TXNDC16: variants seen among roughly 807,000 people sequenced by gnomAD.
The protein encoded by TXNDC16 is thioredoxin domain-containing protein 16.
Under a neutral mutation model 85.6 loss-of-function variants are expected in TXNDC16, and 74 were observed. The ratio of observed to expected loss-of-function variants is 0.86; its 90% confidence interval spans 0.72 to 1.05. The LOEUF is 1.05. Among genes scored for constraint, TXNDC16 ranks in the 50% least tolerant of loss-of-function variants. The pLI is 0.00. For synonymous variants in TXNDC16, 335 were observed against 326.5 expected, an observed-to-expected ratio of 1.03 and a Z score of -0.28; for missense variants, 959 against 947.0, an observed-to-expected ratio of 1.01 and a Z score of -0.17.
intron 16 of TXNDC16, among the ~76,000 whole-genome samples, chr14:52,459,131 T>C (rs2035598169): frequency 6.6e-6 from 1 of 152,224 alleles, no homozygotes; most frequent in Non-Finnish European, 1.5e-5. Context: ...TTTAATTGCA[T>C]AAAATAAACA....
intron 14 of TXNDC16, among the ~76,000 whole-genome samples, chr14:52,470,937 G>C (rs936009236): frequency 2.6e-5 from 4 of 152,076 alleles, no homozygotes; most frequent in Non-Finnish European, 1.5e-5. Flanking sequence ...CTCAGCTTAA[G>C]CTGCCTTCTC....
At chr14:52,514,177 A>G (rs1488534375) in intron 8 of TXNDC16, among the ~76,000 whole-genome samples, 1 of 152,118 alleles carries the variant, frequency 6.6e-6, no homozygotes, top group African/African-American at 2.4e-5. Context: ...CCTAGCCTCT[A>G]AATGTAGAGC....
At chr14:52,509,170 A>C (rs937072269) in intron 9 of TXNDC16, among the ~76,000 whole-genome samples, 8 of 150,212 alleles carry the variant, frequency 5.3e-5, no homozygotes, top group African/African-American at 1.5e-4. Flanking sequence ...GAAATACAGC[A>C]AAAAAAAAAT....
chr14:52,532,907 T>C (rs752882543), intron 6 of TXNDC16, among the ~76,000 whole-genome samples: 44 of 152,358 alleles, frequency 2.9e-4, no homozygotes, highest in Admixed American at 1.3e-3. Context: ...AGCATACTGT[T>C]TGGCATAGTT....
At chr14:52,468,799 C>T (rs529827534) in intron 16 of TXNDC16, among the ~76,000 whole-genome samples, 1 of 151,878 alleles carries the variant, frequency 6.6e-6, no homozygotes, top group Non-Finnish European at 1.5e-5. Context: ...CTCACTTAAG[C>T]CCAGGAGGTT....
At chr14:52,442,658 C>T (rs1048813145) in intron 18 of TXNDC16, among the ~76,000 whole-genome samples, 9 of 152,046 alleles carry the variant, frequency 5.9e-5, no homozygotes, top group Admixed American at 5.2e-4. Context: ...ACTTTTTCTC[C>T]AAATTCCCCT....
intron 14 of TXNDC16, among the ~76,000 whole-genome samples, chr14:52,474,385 T>C (rs549662170): frequency 2.6e-5 from 4 of 152,350 alleles, no homozygotes; most frequent in African/African-American, 9.6e-5. Context: ...AATTTGTCCA[T>C]AGATTGCAAC....
chr14:52,492,589 G>T (rs758349185), intron 9 of TXNDC16, among the ~76,000 whole-genome samples: 1 of 152,078 alleles, frequency 6.6e-6, no homozygotes, highest in East Asian at 1.9e-4. Context: ...CTCTTTTGCC[G>T]CCACCCAGCA....
At chr14:52,479,967 C>T (rs2036108659) in intron 14 of TXNDC16, among the ~76,000 whole-genome samples, 1 of 152,118 alleles carries the variant, frequency 6.6e-6, no homozygotes, top group East Asian at 1.9e-4. Flanking sequence ...TAAAAATTGG[C>T]ACATAGACCA....
At chr14:52,438,450 C>G (rs1203491021) in intron 20 of TXNDC16, among the ~76,000 whole-genome samples, 1 of 152,214 alleles carries the variant, frequency 6.6e-6, no homozygotes, top group Non-Finnish European at 1.5e-5. Flanking sequence ...CCTCCTTCAT[C>G]AGCCAAAAGG....
At chr14:52,509,191 A>C (rs1027029406) in intron 9 of TXNDC16, among the ~76,000 whole-genome samples, 4 of 152,100 alleles carry the variant, frequency 2.6e-5, no homozygotes, top group Non-Finnish European at 4.4e-5. Flanking sequence ...TCATGAGCAG[A>C]AACTTTAGGA....
In TXNDC16 at chr14:52,443,889, G is replaced by A. The variant is rs190896456; in HGVS notation, c.1843-3165C>T. Among the ~76,000 whole-genome samples, 17 of 152,196 alleles carry A rather than the reference G, an allele frequency of 1.1e-4. No homozygotes were observed. In the East Asian group the frequency reaches 3.3e-3, roughly 29 times the overall value. On this transcript the variant is annotated intron_variant, in intron 18 of 20. Transcript: ENST00000281741. ...ATTTGTGAGTTTAGAAGGAAACTGA[G>A]TTCTAAAATTAAACACTCGGATTTA...
intron 1 of TXNDC16, among the ~76,000 whole-genome samples, chr14:52,549,586 G>A (rs1463804264): frequency 1.3e-5 from 2 of 151,470 alleles, no homozygotes; most frequent in Admixed American, 1.3e-4. Context: ...ATCCCATTTT[G>A]GTATAGGGTA....
At chr14:52,511,432 T>A in intron 8 of TXNDC16, 42 bp from the exon 9 acceptor site, 1 of 1,358,056 alleles carries the variant, frequency 7.4e-7, no homozygotes, top group Non-Finnish European at 1.0e-6. Flanking sequence ...GTTCAATATG[T>A]GATCCTTCTA....
intron 18 of TXNDC16, among the ~76,000 whole-genome samples, chr14:52,451,383 A>G (rs2035408469): frequency 6.6e-6 from 1 of 152,142 alleles, no homozygotes; most frequent in Non-Finnish European, 1.5e-5. Flanking sequence ...AAACCAGACA[A>G]AGGCATATCA....
chr14:52,455,402 T>G lies in TXNDC16; in HGVS notation c.1764A>C (p.Lys588Asn). 1.2e-6 allele frequency: 2 copies of G among 1,614,052 alleles called. No homozygotes were observed. The highest frequency in any genetic ancestry group is 1.7e-6 in the Non-Finnish European group (2 of 1,179,930). ...TGCTAGCTAGTGGGATGCTCTCTAT[T>G]TTGCCTTCTGTGTGTCTGGCAAGCA... ...ALLLARHTEG[K>N]IESIPLASTH... is the part of the protein sequence containing the mutation. The change falls in exon 18 of 21, where the codon AAA becomes AAC. Residue 588 changes from lysine to asparagine, a missense_variant. Lys to Asn is a moderately conservative substitution (Grantham distance 94). Coordinates refer to ENST00000281741, the MANE Select transcript of TXNDC16 (RefSeq NM_020784.3).
intron 4 of TXNDC16, among the ~76,000 whole-genome samples, chr14:52,540,068 G>A (rs1351996835): frequency 6.6e-6 from 1 of 152,140 alleles, no homozygotes; most frequent in Non-Finnish European, 1.5e-5. Context: ...GGAACAAGTA[G>A]GTGGTAACCA....
intron 6 of TXNDC16, among the ~76,000 whole-genome samples, chr14:52,525,727 AATAATAATAATAATAAT>A (rs1566578179): frequency 1.6e-4 from 23 of 141,304 alleles, no homozygotes; most frequent in Non-Finnish European, 1.1e-4. Flanking sequence ...TAATAATAAT[AATAATAATAATAATAAT>A]AAATAAAAAT....
At chr14:52,542,025 G>T (rs1443253245) in intron 4 of TXNDC16, among the ~76,000 whole-genome samples, 1 of 152,060 alleles carries the variant, frequency 6.6e-6, no homozygotes, top group East Asian at 1.9e-4. Context: ...AAAAACAGCT[G>T]AATTGTGGCT....
Sources: gnomAD v4.1 joint callset for allele counts (sites outside exome capture counted in the v4.1 genomes callset) on GRCh38, gnomAD v4.1.1 for gene constraint, MANE v1.5 for transcripts, NCBI Gene and HGNC (gene_info 2026-07-23, HGNC 2026-07-21) for gene names.